SPTLC2: variants seen among roughly 807,000 people sequenced by gnomAD.
The protein encoded by SPTLC2 is serine palmitoyltransferase 2.
In SPTLC2, 21 loss-of-function variants were observed where a neutral mutation model predicts 62.0. The ratio of observed to expected loss-of-function variants is 0.34; its 90% CI spans 0.24 to 0.49. The LOEUF (loss-of-function observed/expected upper bound fraction) is 0.49. Ranked by LOEUF, SPTLC2 falls within the 20% of genes least tolerant of loss-of-function variation. The pLI is 0.99. For missense variants in SPTLC2, 511 were observed against 713.0 expected (o/e 0.72, Z 3.23); for synonymous variants, 261 against 261.8 (o/e 1.00, Z 0.03).
At chr14:77,563,670 C>T (rs1255365605) in intron 5 of SPTLC2, among the ~76,000 whole-genome samples, 2 of 152,100 alleles carry the variant, frequency 1.3e-5, no homozygotes, top group African/African-American at 4.8e-5. Context: ...AGGTGATCCA[C>T]CCGCCTCAGC....
intron 5 of SPTLC2, among the ~76,000 whole-genome samples, chr14:77,566,452 T>C (rs1186839553): frequency 6.6e-6 from 1 of 152,226 alleles, no homozygotes; most frequent in East Asian, 1.9e-4. Flanking sequence ...GTTTAGAATC[T>C]TGCTCAAGGT....
chr14:77,547,281 G>C (rs998129181), intron 9 of SPTLC2, among the ~76,000 whole-genome samples: 1 of 152,018 alleles, frequency 6.6e-6, no homozygotes, highest in Non-Finnish European at 1.5e-5. Flanking sequence ...TCTACTGTGG[G>C]TAAGAACAAA....
chr14:77,587,150 C>T (rs978513357), intron 2 of SPTLC2, among the ~76,000 whole-genome samples: 3 of 151,946 alleles, frequency 2.0e-5, no homozygotes, highest in African/African-American at 7.3e-5. Flanking sequence ...ATGGCGTGAA[C>T]CCAGGAGGCG....
intron 1 of SPTLC2, among the ~76,000 whole-genome samples, chr14:77,602,789 G>A (rs2079885176): frequency 2.0e-5 from 3 of 152,074 alleles, no homozygotes; most frequent in African/African-American, 7.2e-5. Flanking sequence ...GCCCAGGCTG[G>A]TCTCAAACTC....
chr14:77,543,737 C>T (rs1349970737), intron 9 of SPTLC2, among the ~76,000 whole-genome samples: 2 of 152,188 alleles, frequency 1.3e-5, no homozygotes, highest in Non-Finnish European at 2.9e-5. Flanking sequence ...TTTCCTGCTG[C>T]ACCTAACTGG....
chr14:77,611,742 C>T (rs1426952322), intron 1 of SPTLC2, among the ~76,000 whole-genome samples: 1 of 151,686 alleles, frequency 6.6e-6, no homozygotes, highest in Non-Finnish European at 1.5e-5. Context: ...TGGAGAATCG[C>T]TTGAACCCGG....
At chr14:77,538,328 C>G (rs1364049433) in intron 9 of SPTLC2, among the ~76,000 whole-genome samples, 1 of 152,212 alleles carries the variant, frequency 6.6e-6, no homozygotes, top group Non-Finnish European at 1.5e-5. Context: ...ACCACTCATG[C>G]ACACCCCATC....
At chr14:77,559,045 T>C (rs896159718) in intron 6 of SPTLC2, among the ~76,000 whole-genome samples, 1 of 152,060 alleles carries the variant, frequency 6.6e-6, no homozygotes, top group South Asian at 2.1e-4. Flanking sequence ...ATCAGCCAGG[T>C]GTGGTGGCTC....
intron 4 of SPTLC2, among the ~76,000 whole-genome samples, chr14:77,575,054 C>A (rs571216402): frequency 6.6e-6 from 1 of 152,146 alleles, no homozygotes; most frequent in South Asian, 2.1e-4. Flanking sequence ...CCCATCTCTA[C>A]AAAAATCACA....
intron 10 of SPTLC2, 41 bp downstream of exon 10, chr14:77,521,399 AGATAAG>A: frequency 6.2e-7 from 1 of 1,613,404 alleles, no homozygotes; most frequent in Non-Finnish European, 8.5e-7. Flanking sequence ...CTCACATCAC[AGATAAG>A]GATAAGGACA....
Position 77,552,242 on chromosome 14 carries a change from A to C in SPTLC2, c.1177-20T>G. 2 of 1,613,784 alleles carry C rather than the reference A, an allele frequency of 1.2e-6. No homozygotes were observed. The highest frequency in any genetic ancestry group is 1.7e-6 in the Non-Finnish European group (2 of 1,179,858). On this transcript the variant is annotated intron_variant, in intron 8 of 11. Transcript: ENST00000216484. ...CAGCTCCTGGGGAGTTCACAGAGGC[A>C]GATAAGTAGAGACAATTCTTGCATT...
chr14:77,533,027 G>C (rs979428443), intron 9 of SPTLC2, among the ~76,000 whole-genome samples: 5 of 152,162 alleles, frequency 3.3e-5, no homozygotes, highest in Non-Finnish European at 5.9e-5. Context: ...GCTGGGCACA[G>C]TGGCTCACGC....
In SPTLC2 at chr14:77,551,168, C is replaced by T. The variant is rs541566157; in HGVS notation, c.1303+928G>A. 1.1e-4 allele frequency among the ~76,000 whole-genome samples: 17 copies of T among 152,004 alleles called. No individual in the cohort carries two copies. In the South Asian group the frequency reaches 1.9e-3, roughly 17 times the overall value. On this transcript the variant is annotated intron_variant, in intron 9 of 11. Transcript: ENST00000216484. The stretch of plus-strand genomic sequence containing the variant: ...CAGCACTTTGGGAGCCCGAGGAGGG[C>T]GGATCACGAGGTCAGGAGATCGAGA...
At chr14:77,595,412 T>G (rs1031234953) in intron 2 of SPTLC2, among the ~76,000 whole-genome samples, 1 of 152,114 alleles carries the variant, frequency 6.6e-6, no homozygotes, top group African/African-American at 2.4e-5. Flanking sequence ...GTGTTTGGGT[T>G]TTAAAAGATA....
intron 9 of SPTLC2, among the ~76,000 whole-genome samples, chr14:77,546,678 T>C (rs543669611): frequency 1.3e-5 from 2 of 152,282 alleles, no homozygotes; most frequent in East Asian, 3.9e-4. Flanking sequence ...ACACAGCATA[T>C]CTACCACTAT....
intron 1 of SPTLC2, among the ~76,000 whole-genome samples, chr14:77,602,988 AAAAATAATT>A (rs2079886333): frequency 6.6e-6 from 1 of 152,196 alleles, no homozygotes; most frequent in Admixed American, 6.5e-5. Context: ...AAAATTTTTT[AAAAATAATT>A]AAAATAAAAC....
chr14:77,587,409 C>T (rs1010136186), intron 2 of SPTLC2, among the ~76,000 whole-genome samples: 1 of 151,976 alleles, frequency 6.6e-6, no homozygotes, highest in African/African-American at 2.4e-5. Flanking sequence ...TATATCAGAA[C>T]ATTTATAGTA....
At chr14:77,527,018 TCTC>T (rs1202370854) in intron 9 of SPTLC2, among the ~76,000 whole-genome samples, 3 of 151,764 alleles carry the variant, frequency 2.0e-5, no homozygotes, top group African/African-American at 7.3e-5. Flanking sequence ...ATGATGTCGA[TCTC>T]CTGACCTCAT....
intron 2 of SPTLC2, among the ~76,000 whole-genome samples, 163 bp from the exon 3 acceptor site, chr14:77,579,272 C>G (rs2079734541): frequency 6.6e-6 from 1 of 152,158 alleles, no homozygotes; most frequent in African/African-American, 2.4e-5. Flanking sequence ...TTTACGGTAT[C>G]AGTCATTCAA....
Sources: gnomAD v4.1 joint callset for allele counts (sites outside exome capture counted in the v4.1 genomes callset) on GRCh38, gnomAD v4.1.1 for gene constraint, MANE v1.5 for transcripts, NCBI Gene and HGNC (gene_info 2026-07-23, HGNC 2026-07-21) for gene names.